The following ARHGAP44 variants were observed in gnomAD, a reference collection of about 807,000 sequenced individuals.
ARHGAP44 encodes the protein rho GTPase-activating protein 44.
ARHGAP44 carries 43 observed loss-of-function variants against 106.8 expected under a neutral mutation model. The ratio of observed to expected loss-of-function variants is 0.40; its 90% confidence interval spans 0.32 to 0.52. The LOEUF (loss-of-function observed/expected upper bound fraction) is 0.52. ARHGAP44 is among the 20% of genes least tolerant of loss of function. ARHGAP44 has a pLI of 0.48. For synonymous variants in ARHGAP44, 439 were observed against 410.3 expected (o/e 1.07, Z -0.85); for missense variants, 866 against 1,050.5 (o/e 0.82, Z 2.43).
intron 8 of ARHGAP44, among the ~76,000 whole-genome samples, chr17:12,942,589 T>C (rs1161431134): frequency 3.3e-5 from 5 of 152,254 alleles, no homozygotes; most frequent in Non-Finnish European, 7.3e-5. Flanking sequence ...CTAGACAGCC[T>C]AATTGTCATT....
chr17:12,977,675 TG>T (rs946900492), intron 18 of ARHGAP44, among the ~76,000 whole-genome samples: 1 of 152,106 alleles, frequency 6.6e-6, no homozygotes, highest in African/African-American at 2.4e-5. Flanking sequence ...CTCTCCCCAC[TG>T]GGTCAGCTGC....
chr17:12,895,199 G>A (rs796150346), intron 2 of ARHGAP44, among the ~76,000 whole-genome samples: 17 of 108,354 alleles, frequency 1.6e-4, no homozygotes, highest in African/African-American at 4.6e-4. Flanking sequence ...GCCATCCCTC[G>A]ATGTGGTTAA....
chr17:12,897,402 A>G (rs7217228), intron 3 of ARHGAP44, among the ~76,000 whole-genome samples: 21,923 of 151,668 alleles, frequency 0.14, 2,454 homozygotes, highest in East Asian at 0.34. Context: ...CCGCAGTGCA[A>G]AAACCCACTC....
intron 1 of ARHGAP44, among the ~76,000 whole-genome samples, chr17:12,802,388 T>C (rs9916493): frequency 0.35 from 53,788 of 151,870 alleles, 12,039 homozygotes; most frequent in African/African-American, 0.64. Context: ...CAAAGGACAG[T>C]GTCGTCAGAG....
In ARHGAP44 at chr17:12,949,832, T is replaced by A; in HGVS notation, c.1055+102T>A. On this transcript the variant is annotated intron_variant, in intron 12 of 20. Coordinates refer to ENST00000379672, the MANE Select transcript of ARHGAP44 (RefSeq NM_014859.6). The surrounding 1 kb of genome is among the most constrained non-coding windows in gnomAD (Gnocchi z 4.1). ...TAACCTATGATCTCGCAACCCCGTTTCTTGATCTCTGCCATGAAGGAGTGC... is the reference window on the plus strand; with the variant it reads ...TAACCTATGATCTCGCAACCCCGTTACTTGATCTCTGCCATGAAGGAGTGC... 1 of 1,149,428 alleles carries A rather than the reference T, an allele frequency of 8.7e-7. No homozygotes were observed. Among genetic ancestry groups the A allele is most frequent in the Non-Finnish European group, 1.3e-6 (1 of 790,170 alleles). 71.2% of individuals were successfully genotyped at this position (1,149,428 alleles called of 1,614,324 possible).
At chr17:12,901,426 G>T (rs2037372281) in intron 3 of ARHGAP44, among the ~76,000 whole-genome samples, 1 of 152,100 alleles carries the variant, frequency 6.6e-6, no homozygotes, top group South Asian at 2.1e-4. Flanking sequence ...GTTCAAAATT[G>T]TATGAATAAA....
intron 1 of ARHGAP44, among the ~76,000 whole-genome samples, chr17:12,858,367 C>G (rs1371619010): frequency 6.6e-6 from 1 of 152,204 alleles, no homozygotes; most frequent in Non-Finnish European, 1.5e-5. Context: ...TTAAGAAAGT[C>G]TGCAGATTAC....
At chr17:12,853,813 A>G (rs1219161839) in intron 1 of ARHGAP44, among the ~76,000 whole-genome samples, 1 of 152,098 alleles carries the variant, frequency 6.6e-6, no homozygotes, top group Non-Finnish European at 1.5e-5. Flanking sequence ...TCTGATTTCC[A>G]CTTCAGCTTC....
intron 16 of ARHGAP44, among the ~76,000 whole-genome samples, chr17:12,970,649 G>A (rs1462355672): frequency 1.3e-5 from 2 of 152,212 alleles, no homozygotes; most frequent in African/African-American, 4.8e-5. Flanking sequence ...TCCATGCAGG[G>A]ATGTCTGCTG....
chr17:12,865,344 A>G (rs760306194), intron 1 of ARHGAP44, among the ~76,000 whole-genome samples: 82 of 152,226 alleles, frequency 5.4e-4, no homozygotes, highest in Non-Finnish European at 9.3e-4. Flanking sequence ...TGCAAGTTTG[A>G]CACATGAAGG....
intron 1 of ARHGAP44, among the ~76,000 whole-genome samples, chr17:12,879,696 T>TATATATAC (rs1555550544): frequency 4.8e-5 from 1 of 20,780 alleles, no homozygotes; most frequent in African/African-American, 1.5e-4. Flanking sequence ...TATATATATA[T>TATATATAC]ACACATACAC....
At chr17:12,906,688 A>G (rs1426476609) in intron 3 of ARHGAP44, among the ~76,000 whole-genome samples, 2 of 152,226 alleles carry the variant, frequency 1.3e-5, no homozygotes, top group African/African-American at 4.8e-5. Flanking sequence ...CAATCCCAGC[A>G]CTTTGGGAGG....
intron 18 of ARHGAP44, among the ~76,000 whole-genome samples, chr17:12,979,363 G>A (rs547437929): frequency 3.3e-4 from 50 of 152,254 alleles, no homozygotes; most frequent in African/African-American, 1.2e-3. Context: ...GTGACCTAGG[G>A]TGCCTCATTG....
intron 1 of ARHGAP44, among the ~76,000 whole-genome samples, chr17:12,845,737 T>C (rs564745378): frequency 1.3e-5 from 2 of 152,318 alleles, no homozygotes; most frequent in South Asian, 4.1e-4. Flanking sequence ...TGGTTGAGTA[T>C]CCCACCATTT....
intron 19 of ARHGAP44, among the ~76,000 whole-genome samples, chr17:12,982,195 G>GAGTGACTCAGGTCCCTTTCCCA (rs2039850553): frequency 6.6e-6 from 1 of 152,190 alleles, no homozygotes; most frequent in Non-Finnish European, 1.5e-5. Context: ...GTGTAGCCTA[G>GAGTGACTCAGGTCCCTTTCCCA]AGTGACTCAG....
At chr17:12,824,160 C>T (rs190353219) in intron 1 of ARHGAP44, among the ~76,000 whole-genome samples, 104 of 152,202 alleles carry the variant, frequency 6.8e-4, no homozygotes, top group Non-Finnish European at 1.1e-3. Context: ...TTTCTTCATG[C>T]CCTTGGCTTC....
intron 1 of ARHGAP44, among the ~76,000 whole-genome samples, chr17:12,828,863 G>C (rs1033125210): frequency 6.6e-6 from 1 of 151,804 alleles, no homozygotes; most frequent in African/African-American, 2.4e-5. Flanking sequence ...GGATGGTCTC[G>C]ATCTCCTGAC....
At chr17:12,884,134 A>T (rs145498931) in intron 1 of ARHGAP44, among the ~76,000 whole-genome samples, 2,410 of 151,778 alleles carry the variant, frequency 0.016, 75 homozygotes, top group African/African-American at 0.056. Context: ...GATCTCCCTG[A>T]TTGTTTGTGT....
At chr17:12,842,121 G>A (rs1185782808) in intron 1 of ARHGAP44, among the ~76,000 whole-genome samples, 5 of 150,834 alleles carry the variant, frequency 3.3e-5, no homozygotes, top group African/African-American at 1.2e-4. Flanking sequence ...GATGTCATTG[G>A]TCTGCGACAC....
Sources: gnomAD v4.1 joint callset for allele counts (sites outside exome capture counted in the v4.1 genomes callset) on GRCh38, gnomAD v4.1.1 for gene constraint, Gnocchi (gnomAD v3.1) non-coding constraint, MANE v1.5 for transcripts, NCBI Gene and HGNC (gene_info 2026-07-23, HGNC 2026-07-21) for gene names.